Variants in MED13L observed in about 807,000 individuals in gnomAD.
The protein encoded by MED13L is mediator complex subunit 13L, also known as mediator of RNA polymerase II transcription subunit 13-like.
A neutral mutation model predicts 220.9 loss-of-function variants in MED13L; 7 were observed. The observed-to-expected ratio is 0.03, with a 90% CI of 0.02 to 0.06. The LOEUF (loss-of-function observed/expected upper bound fraction) is 0.06, where lower values mean the gene tolerates loss of function less well. Among genes scored for constraint, MED13L ranks in the 10% least tolerant of loss-of-function variants. MED13L has a pLI of 1.00. For synonymous variants in MED13L, 1,011 were observed against 1,015.2 expected (o/e 1.00, Z 0.08); for missense variants, 1,965 against 2,760.5 (o/e 0.71, Z 6.46).
intron 2 of MED13L, among the ~76,000 whole-genome samples, chr12:116,133,767 T>A (rs1296842889): frequency 1.3e-5 from 2 of 152,130 alleles, no homozygotes; most frequent in Admixed American, 6.5e-5. Context: ...GTCCAGAGCA[T>A]AAGAAACTGA....
At chr12:116,070,965 A>T (rs1870321889) in intron 4 of MED13L, among the ~76,000 whole-genome samples, 2 of 152,224 alleles carry the variant, frequency 1.3e-5, no homozygotes, top group South Asian at 4.1e-4. Context: ...AATGATATTA[A>T]TTTTTGAAAG....
At chr12:116,222,389 C>T (rs2138397490) in intron 2 of MED13L, among the ~76,000 whole-genome samples, 1 of 152,258 alleles carries the variant, frequency 6.6e-6, no homozygotes, top group South Asian at 2.1e-4. Flanking sequence ...CGAAGGATAA[C>T]AGAAGAATGA....
intron 22 of MED13L, 91 bp downstream of exon 22, chr12:115,982,293 A>AT: frequency 1.5e-6 from 2 of 1,373,480 alleles, no homozygotes; most frequent in Non-Finnish European, 2.0e-6. Context: ...CTGTACTTCC[A>AT]TTTTTTAAGA....
chr12:116,223,455 C>T (rs563326756), intron 2 of MED13L, among the ~76,000 whole-genome samples: 5 of 152,124 alleles, frequency 3.3e-5, no homozygotes, highest in Non-Finnish European at 5.9e-5. Flanking sequence ...CGCTTGTAAT[C>T]CCAGCACTTT....
chr12:116,116,155 T>G (rs1242113361), intron 2 of MED13L, among the ~76,000 whole-genome samples: 1 of 152,158 alleles, frequency 6.6e-6, no homozygotes, highest in African/African-American at 2.4e-5. Flanking sequence ...GTGGCCTAGA[T>G]AGCCTCAGGA....
intron 4 of MED13L, among the ~76,000 whole-genome samples, chr12:116,067,811 T>C (rs1870064776): frequency 6.6e-6 from 1 of 152,042 alleles, no homozygotes; most frequent in Non-Finnish European, 1.5e-5. Flanking sequence ...AGAACAAAAA[T>C]AAGGATGAAC....
intron 4 of MED13L, among the ~76,000 whole-genome samples, chr12:116,060,618 A>G (rs1235424792): frequency 6.6e-6 from 1 of 151,812 alleles, no homozygotes; most frequent in Non-Finnish European, 1.5e-5. Flanking sequence ...AAAAGACAAT[A>G]TAAAGACAAT....
intron 9 of MED13L, among the ~76,000 whole-genome samples, chr12:116,011,705 C>T (rs760745069): frequency 6.6e-6 from 1 of 152,128 alleles, no homozygotes; most frequent in Non-Finnish European, 1.5e-5. Context: ...GAGAGGGAAC[C>T]CTTAATGAGC....
At chr12:116,124,538 T>C (rs189035715) in intron 2 of MED13L, among the ~76,000 whole-genome samples, 6 of 152,282 alleles carry the variant, frequency 3.9e-5, no homozygotes, top group Admixed American at 3.9e-4. Context: ...TACTAGATAA[T>C]AATTTGTTTT....
At position 116,156,828 on chromosome 12, in the gene MED13L, C is replaced by T. The variant is rs111793140; in HGVS notation, c.311-45316G>A. The stretch of plus-strand genomic sequence containing the variant: ...AAAACTGCCGAGTAGAGCAAAATAT[C>T]TCCCTTTGCCTTTTTCTGTGATGTG... On this transcript the variant is annotated intron_variant, in intron 2 of 30. Coordinates refer to ENST00000281928, the MANE Select transcript of MED13L (RefSeq NM_015335.5). Among the ~76,000 whole-genome samples the T allele has an allele frequency of 8.3e-3, 1,270 of 152,254 alleles. 8 individuals carry two copies. Among genetic ancestry groups the T allele is most frequent in the Non-Finnish European group, 0.014 (930 of 68,018 alleles).
chr12:116,269,466 CAAAAAAAA>C lies in MED13L; in HGVS notation c.72+7586_72+7593del, dbSNP rs34100053. On this transcript the variant is annotated intron_variant, in intron 1 of 30. Transcript: ENST00000281928. The stretch of plus-strand genomic sequence containing the variant: ...GTTAAAGCCACAAATTTAAACTATG[CAAAAAAAA>C]AAAAAAAAAAAAAAGACACTAATGA... 3.6e-3 allele frequency among the ~76,000 whole-genome samples: 247 copies of C among 69,150 alleles called. 1 individual carries two copies. The highest frequency in any genetic ancestry group is 0.014 in the Admixed American group (73 of 5,272). The allele number at this position is 69,150 out of a possible 152,430, so 45.4% of individuals were successfully genotyped here.
intron 4 of MED13L, among the ~76,000 whole-genome samples, chr12:116,087,849 C>CTATACATT (rs1871843693): frequency 6.6e-6 from 1 of 152,092 alleles, no homozygotes; most frequent in East Asian, 1.9e-4. Flanking sequence ...TAATAAAGAT[C>CTATACATT]TTTTATGTCT....
chr12:116,188,037 T>C (rs1193663744), intron 2 of MED13L, among the ~76,000 whole-genome samples: 1 of 152,112 alleles, frequency 6.6e-6, no homozygotes, highest in Non-Finnish European at 1.5e-5. Context: ...ATTCATTGGA[T>C]TTATTTGTGG....
At chr12:116,053,527 A>G (rs1378956258) in intron 4 of MED13L, among the ~76,000 whole-genome samples, 3 of 152,184 alleles carry the variant, frequency 2.0e-5, no homozygotes, top group Non-Finnish European at 2.9e-5. Context: ...TTAATATTTG[A>G]GTGTTTACTT....
intron 2 of MED13L, among the ~76,000 whole-genome samples, chr12:116,123,491 A>G (rs115212952): frequency 3.5e-4 from 54 of 152,340 alleles, no homozygotes; most frequent in African/African-American, 1.3e-3. Flanking sequence ...TTTCAACATT[A>G]GCACAATTGA....
At chr12:116,137,787 T>C (rs1593087604) in intron 2 of MED13L, among the ~76,000 whole-genome samples, 1 of 152,090 alleles carries the variant, frequency 6.6e-6, no homozygotes, top group African/African-American at 2.4e-5. Context: ...AAATACGGTG[T>C]TGTACCTTGG....
intron 2 of MED13L, among the ~76,000 whole-genome samples, chr12:116,229,742 T>A (rs939882822): frequency 6.6e-6 from 1 of 152,218 alleles, no homozygotes; most frequent in Admixed American, 6.5e-5. Context: ...GTATTATTTA[T>A]CAGTCTTAAT....
intron 14 of MED13L, among the ~76,000 whole-genome samples, chr12:116,002,029 T>A (rs1878776608): frequency 6.6e-6 from 1 of 152,356 alleles, no homozygotes; most frequent in East Asian, 1.9e-4. Context: ...GACCTGCACA[T>A]ATCTATTTTA....
At chr12:116,156,605 G>C (rs1400141205) in intron 2 of MED13L, among the ~76,000 whole-genome samples, 3 of 152,022 alleles carry the variant, frequency 2.0e-5, no homozygotes, top group Non-Finnish European at 4.4e-5. Context: ...ACTAAGCGAA[G>C]TTTTAAAAGA....
Sources: allele counts gnomAD v4.1 joint callset (sites outside exome capture counted in the v4.1 genomes callset), GRCh38; gene constraint gnomAD v4.1.1; transcripts MANE v1.5; gene names NCBI Gene and HGNC (gene_info 2026-07-23, HGNC 2026-07-21).